The following KRT81 variants were observed in gnomAD, a reference collection of about 807,000 sequenced individuals.
KRT81 encodes keratin, type II cuticular Hb1.
A neutral mutation model predicts 35.8 loss-of-function variants in KRT81; 35 were observed. The observed-to-expected ratio is 0.98, with a 90% CI of 0.75 to 1.30. The LOEUF is 1.30. Among genes scored for constraint, KRT81 ranks in the 50% most tolerant of loss-of-function variants. The probability of loss-of-function intolerance (pLI) is 0.00; values close to 1 mark genes in which losing one functional copy is unlikely to be tolerated. For synonymous variants in KRT81, 249 were observed against 251.2 expected (o/e 0.99, Z 0.08); for missense variants, 531 against 577.4 (o/e 0.92, Z 0.82).
chr12:52,287,069 G>A lies in KRT81; in HGVS notation c.1247+33C>T, dbSNP rs200188584. The A allele has an allele frequency of 2.8e-5, 45 of 1,612,488 alleles. No individual in the cohort carries two copies. The East Asian group carries it at 7.4e-4, about 26-fold the overall frequency. Reference sequence around the variant, plus strand: ...GTAGGCTTGTGCCAGGGATGGGGAAGGGTGGTTCTGGGCCACCCTTGGTTG... The same window carrying A: ...GTAGGCTTGTGCCAGGGATGGGGAAAGGTGGTTCTGGGCCACCCTTGGTTG... On this transcript the variant is annotated intron_variant, in intron 7 of 8. Coordinates refer to ENST00000327741, the MANE Select transcript of KRT81 (RefSeq NM_002281.4).
rs529646026 is a variant in KRT81, at chr12:52,287,848, C to A, written c.901-127G>T. The A allele has an allele frequency of 3.6e-4, 581 of 1,601,988 alleles. 1 individual carries two copies. The African/African-American group carries it at 7.4e-3, about 20-fold the overall frequency. The stretch of plus-strand genomic sequence containing the variant: ...GCCACACATGGCAGTCCTGCCCTGC[C>A]ACCCCAACCTCAGATTGGCAGCCCT... On this transcript the variant is annotated intron_variant, in intron 5 of 8. Coordinates refer to ENST00000327741, the MANE Select transcript of KRT81 (RefSeq NM_002281.4).
chr12:52,286,192 T>A lies in KRT81; in HGVS notation c.*63A>T. On this transcript the variant is annotated 3_prime_UTR_variant, in exon 9 of 9. Coordinates refer to ENST00000327741, the MANE Select transcript of KRT81 (RefSeq NM_002281.4). ...GAGCACTTGCTCCAGGCGCCTGGACTGGATGGGCCAAGCAAGGCAGGGCAG... is the reference window on the plus strand; with the variant it reads ...GAGCACTTGCTCCAGGCGCCTGGACAGGATGGGCCAAGCAAGGCAGGGCAG... 7.2e-7 allele frequency: 1 copy of A among 1,383,268 alleles called. No individual in the cohort carries two copies. The highest frequency in any genetic ancestry group is 1.2e-5 in the South Asian group (1 of 80,478). 85.7% of individuals were successfully genotyped at this position (1,383,268 alleles called of 1,614,324 possible).
At chr12:52,287,424 A>G in intron 6 of KRT81, 102 bp from the exon 7 acceptor site, 1 of 1,571,768 alleles carries the variant, frequency 6.4e-7, no homozygotes, top group Non-Finnish European at 8.7e-7. Context: ...GCACCCCAGA[A>G]CAGAGCCTCT....
intron 1 of KRT81, among the ~76,000 whole-genome samples, chr12:52,290,543 C>CA (rs1482140317): frequency 1.7e-4 from 3 of 17,834 alleles, no homozygotes; most frequent in Admixed American, 4.0e-4. Flanking sequence ...GACCCCCCCC[C>CA]CCCAACCCAA....
chr12:52,288,528 C>G (rs1938039740), intron 3 of KRT81, 72 bp from the exon 4 acceptor site: 3 of 1,561,404 alleles, frequency 1.9e-6, no homozygotes, highest in Admixed American at 1.7e-5. Context: ...CTCTGCCCAT[C>G]CATTCCATGT....
Position 52,291,438 on chromosome 12 carries a change from G to A in KRT81, c.28C>T (p.Arg10Cys), listed in dbSNP as rs753782485. 6 of 1,612,520 alleles carry A rather than the reference G, an allele frequency of 3.7e-6. No homozygotes were observed. The highest frequency in any genetic ancestry group is 1.7e-5 in the Admixed American group (1 of 59,894). MTCGSGFGG[R>C]AFSCISACGP... The stretch of plus-strand genomic sequence containing the variant: ...CAGGCCGAGATGCAGCTGAAGGCGC[G>A]CCCACCAAATCCTGATCCGCAGGTC... The change falls in exon 1 of 9, where the codon CGC (arginine) becomes TGC (cysteine). Residue 10 changes from arginine to cysteine, a missense_variant. Arg to Cys is a radical substitution (Grantham distance 180, BLOSUM62 -3). Coordinates refer to ENST00000327741, the MANE Select transcript of KRT81 (RefSeq NM_002281.4).
Position 52,288,438 on chromosome 12 carries a change from G to A in KRT81, c.658C>T (p.Leu220Phe), listed in dbSNP as rs770752705. 6.2e-7 allele frequency: 1 copy of A among 1,614,152 alleles called. No homozygotes were observed. The highest frequency in any genetic ancestry group is 1.1e-5 in the South Asian group (1 of 91,072). ...ALKKDVDCAY[L>F]RKSDLEANVE... ...TTGGCCTCCAGGTCTGACTTGCGGA[G>A]GTAGGCGCAGTCCACATCCTGGAAA... Residue 220 changes from leucine to phenylalanine, a missense_variant, in exon 4 of 9, where the codon CTC becomes TTC. Leu to Phe is a conservative substitution (Grantham distance 22, BLOSUM62 0). Coordinates refer to ENST00000327741, the MANE Select transcript of KRT81 (RefSeq NM_002281.4).
At position 52,291,448 on chromosome 12, in the gene KRT81, T is replaced by C. The variant is rs546202958; in HGVS notation, c.18A>G (p.Gly6=). The change falls in exon 1 of 9, where the codon GGA becomes GGG. Residue 6 remains glycine (G), a synonymous_variant. Coordinates refer to ENST00000327741, the MANE Select transcript of KRT81 (RefSeq NM_002281.4). The stretch of plus-strand genomic sequence containing the variant: ...TGCAGCTGAAGGCGCGCCCACCAAA[T>C]CCTGATCCGCAGGTCATGATCCTCC... MTCGS[G]FGGRAFSCIS... 11 of 1,612,764 alleles carry C rather than the reference T, an allele frequency of 6.8e-6. No individual in the cohort carries two copies. In the Admixed American group the frequency reaches 1.3e-4, roughly 20 times the overall value.
rs1436086457 is a variant in KRT81 at position 52,291,221 on chromosome 12, G to A, written c.245C>T (p.Ser82Leu). ...GPSPPCITTV[S>L]VNESLLTPLN... ...GGGCGTGAGGAGGCTCTCGTTGACC[G>A]ACACGGTGGTGATGCATGGGGGACT... is the stretch of plus-strand genomic sequence containing the variant. The change falls in exon 1 of 9, where the codon TCG becomes TTG. Residue 82 changes from serine to leucine, a missense_variant. By Grantham distance (145) the Ser-to-Leu change is moderately radical. This residue lies in a region of KRT81 where 133 missense variants were observed against 125.9 expected (regional missense o/e 1.06). Coordinates refer to ENST00000327741, the MANE Select transcript of KRT81 (RefSeq NM_002281.4). 2 of 1,468,342 alleles carry A rather than the reference G, an allele frequency of 1.4e-6. No individual in the cohort carries two copies. The highest frequency in any genetic ancestry group is 2.5e-5 in the East Asian group (1 of 40,086). 91.0% of individuals were successfully genotyped at this position (1,468,342 alleles called of 1,614,324 possible).
In KRT81 at chr12:52,286,152, G is replaced by T; in HGVS notation, c.*103C>A. 1.1e-6 allele frequency: 1 copy of T among 918,048 alleles called. No homozygotes were observed. Among genetic ancestry groups the T allele is most frequent in the Non-Finnish European group, 1.7e-6 (1 of 573,294 alleles). The allele number at this position is 918,048 out of a possible 1,614,324, so 56.9% of individuals were successfully genotyped here. A position where few individuals can be genotyped will look rare whatever the true frequency, so the allele number is the denominator to read the frequency against. ...AGGAGTGGGAGGGGTCTTTCAAAGT[G>T]CAGGAGAAGTAGCTGAGCACTTGCT... On this transcript the variant is annotated 3_prime_UTR_variant, in exon 9 of 9. Transcript: ENST00000327741.
chr12:52,290,534 ACCC>A (rs759612226), intron 1 of KRT81, among the ~76,000 whole-genome samples: 1 of 6,122 alleles, frequency 1.6e-4, no homozygotes, highest in East Asian at 2.6e-3. Context: ...GAGTTGAGTG[ACCC>A]CCCCCCCCCA....
chr12:52,287,944 C>T (rs747851833), intron 5 of KRT81, 40 bp downstream of exon 5: 1 of 1,614,116 alleles, frequency 6.2e-7, no homozygotes, highest in South Asian at 1.1e-5. Context: ...ACATCCCTCC[C>T]ACTGACACGT....
intron 3 of KRT81, 151 bp from the exon 4 acceptor site, chr12:52,288,607 G>GCC: frequency 1.0e-6 from 1 of 997,846 alleles, no homozygotes; most frequent in Non-Finnish European, 1.6e-6. Context: ...TTCCTGGGAT[G>GCC]AGCTGGCATC....
rs555568252 is a variant in KRT81, at chr12:52,287,205, T to C, written c.1144A>G (p.Met382Val). 1.9e-6 allele frequency: 3 copies of C among 1,614,008 alleles called. No homozygotes were observed. The highest frequency in any genetic ancestry group is 2.7e-5 in the African/African-American group (2 of 75,052). ...TGGTACTCCCTGATCAGGCAGGCCATGTCCTGCTTGGCCTTCTGCAGGGCG... is the reference window on the plus strand; with the variant it reads ...TGGTACTCCCTGATCAGGCAGGCCACGTCCTGCTTGGCCTTCTGCAGGGCG... The part of the protein sequence containing the change: ...EGALQKAKQD[M>V]ACLIREYQEV... The change falls in exon 7 of 9, where the codon ATG becomes GTG. Residue 382 changes from methionine (M) to valine (V), a missense_variant. Met to Val is a conservative substitution (Grantham distance 21, BLOSUM62 1). Coordinates refer to ENST00000327741, the MANE Select transcript of KRT81 (RefSeq NM_002281.4).
chr12:52,291,120 T>G lies in KRT81; in HGVS notation c.346A>C (p.Arg116=). The change falls in exon 1 of 9, where the codon AGG becomes CGG. Residue 116 remains arginine, a synonymous_variant. Coordinates refer to ENST00000327741, the MANE Select transcript of KRT81 (RefSeq NM_002281.4). ...EKEQIKSLNS[R]FAAFIDKVRF... ...ACCTTGTCGATGAAGGCCGCGAACC[T>G]GCTGTTGAGGGACTTGATCTGCTCC... is the stretch of plus-strand genomic sequence containing the variant. 1 of 860,506 alleles carries G rather than the reference T, an allele frequency of 1.2e-6. No individual in the cohort carries two copies. The highest frequency in any genetic ancestry group is 1.7e-6 in the Non-Finnish European group (1 of 602,068). The allele number at this position is 860,506 out of a possible 1,614,324, so 53.3% of individuals were successfully genotyped here.
chr12:52,287,602 C>T lies in KRT81; in HGVS notation c.1020G>A (p.Lys340=), dbSNP rs1188149984. The T allele has an allele frequency of 1.9e-6, 3 of 1,613,952 alleles. No individual in the cohort carries two copies. The highest frequency in any genetic ancestry group is 3.3e-5 in the Admixed American group (2 of 60,022). ...GCGCACAGATGCCCCATACCTGGCA[C>T]TTGGCATTCTCCACCTCGGCCGTCA... ...QRLTAEVENA[K]CQNSKLEAAV... is the part of the protein sequence containing the mutation. The change falls in exon 6 of 9, where the codon AAG becomes AAA. Residue 340 remains lysine, a synonymous_variant. Coordinates refer to ENST00000327741, the MANE Select transcript of KRT81 (RefSeq NM_002281.4).
chr12:52,288,539 A>G, intron 3 of KRT81, 83 bp from the exon 4 acceptor site: 1 of 1,533,532 alleles, frequency 6.5e-7, no homozygotes, highest in South Asian at 1.1e-5. Flanking sequence ...CATTCCATGT[A>G]GCCAGGGGAA....
rs751403635 is a variant in KRT81 at position 52,288,074 on chromosome 12, G to T, written c.810C>A (p.Asn270Lys). The T allele has an allele frequency of 1.4e-5, 22 of 1,614,216 alleles. No individual in the cohort carries two copies. In the South Asian group the frequency reaches 2.3e-4, roughly 17 times the overall value. Residue 270 changes from asparagine to lysine, a missense_variant, in exon 5 of 9, where the codon AAC (asparagine) becomes AAA (lysine). Physicochemically the swap from Asn to Lys is moderately conservative, Grantham distance 94. Around this residue, in one of 5 missense-constraint regions of KRT81, gnomAD observed 194 missense variants for 198.2 expected, o/e 0.98. Coordinates refer to ENST00000327741, the MANE Select transcript of KRT81 (RefSeq NM_002281.4). ...TAATCTCGGCAATGATGCAGTCCATGTTCAGGTCCCGGCTGTTGTCCAGCT... is the reference window on the plus strand; with the variant it reads ...TAATCTCGGCAATGATGCAGTCCATTTTCAGGTCCCGGCTGTTGTCCAGCT... ...VVKLDNSRDL[N>K]MDCIIAEIKA...
chr12:52,291,316 C>G lies in KRT81; in HGVS notation c.150G>C (p.Val50=), dbSNP rs1040620475. ...GLTGGFGSHS[V]CGGFRAGSCG... ...AGGAGCCGGCCCGAAAGCCTCCGCA[C>G]ACGCTGTGGCTGCCGAAGCCCCCGG... is the stretch of plus-strand genomic sequence containing the variant. Residue 50 remains valine, a synonymous_variant, in exon 1 of 9, where the codon GTG becomes GTC. Transcript: ENST00000327741. 15 of 1,550,324 alleles carry G rather than the reference C, an allele frequency of 9.7e-6. No individual in the cohort carries two copies. In the East Asian group the frequency reaches 1.9e-4, roughly 20 times the overall value.
Sources: allele counts gnomAD v4.1 joint callset (sites outside exome capture counted in the v4.1 genomes callset), GRCh38; gene constraint gnomAD v4.1.1; regional missense constraint gnomAD v4.1.1; transcripts MANE v1.5; gene names NCBI Gene and HGNC (gene_info 2026-07-23, HGNC 2026-07-21).